WWOX: variants seen among roughly 807,000 people sequenced by gnomAD.
The protein encoded by WWOX is WW domain-containing oxidoreductase.
In WWOX, 69 loss-of-function variants were observed where a neutral mutation model predicts 46.2. The observed-to-expected ratio is 1.49, with a 90% CI of 1.23 to 1.82. The LOEUF (loss-of-function observed/expected upper bound fraction) is 1.82. Among genes scored for constraint, WWOX ranks in the 40% most tolerant of loss-of-function variants. The pLI is 0.00. For missense variants in WWOX, 919 were observed against 542.6 expected, an observed-to-expected ratio of 1.69 and a Z score of -6.89; for synonymous variants, 359 against 202.6, an observed-to-expected ratio of 1.77 and a Z score of -6.56.
At chr16:78,635,075 G>A (rs529959957) in intron 8 of WWOX, among the ~76,000 whole-genome samples, 1 of 152,212 alleles carries the variant, frequency 6.6e-6, no homozygotes, top group South Asian at 2.1e-4. Flanking sequence ...CTTACAGATA[G>A]GAAACCTTGC....
intron 5 of WWOX, among the ~76,000 whole-genome samples, chr16:78,340,025 G>T (rs1333126568): frequency 2.2e-5 from 1 of 45,534 alleles, no homozygotes; most frequent in African/African-American, 6.8e-5. Flanking sequence ...GGTGGGGGGG[G>T]GGGGGACGTT....
At chr16:78,101,206 C>T (rs929937723) in intron 1 of WWOX, among the ~76,000 whole-genome samples, 1 of 151,584 alleles carries the variant, frequency 6.6e-6, no homozygotes, top group East Asian at 1.9e-4. Context: ...CGCCACCACG[C>T]CCGGCTAAGT....
At chr16:78,440,909 C>G (rs1036534380) in intron 8 of WWOX, among the ~76,000 whole-genome samples, 1 of 152,260 alleles carries the variant, frequency 6.6e-6, no homozygotes, top group Non-Finnish European at 1.5e-5. Flanking sequence ...GCATGAGCCA[C>G]TGTGCCTGGC....
chr16:78,353,533 G>T (rs1469559430), intron 5 of WWOX, among the ~76,000 whole-genome samples: 1 of 152,202 alleles, frequency 6.6e-6, no homozygotes, highest in Non-Finnish European at 1.5e-5. Context: ...GACAGGATTA[G>T]CAAGCCAAAG....
chr16:78,988,400 T>C (rs1488074708), intron 8 of WWOX, among the ~76,000 whole-genome samples: 2 of 144,840 alleles, frequency 1.4e-5, no homozygotes, highest in Non-Finnish European at 3.1e-5. Flanking sequence ...GAGGTAGTAA[T>C]AGGGGTGGCT....
chr16:78,590,210 C>T (rs2151601208), intron 8 of WWOX, among the ~76,000 whole-genome samples: 1 of 151,780 alleles, frequency 6.6e-6, no homozygotes. Flanking sequence ...AAATTTATTT[C>T]TCGTGGTTCT....
At chr16:78,275,032 C>A (rs1047270282) in intron 5 of WWOX, among the ~76,000 whole-genome samples, 2 of 152,174 alleles carry the variant, frequency 1.3e-5, no homozygotes, top group African/African-American at 4.8e-5. Flanking sequence ...TCAGCAAGCA[C>A]TGAGCTCCCA....
At chr16:78,680,320 G>C (rs1422839843) in intron 8 of WWOX, among the ~76,000 whole-genome samples, 1 of 152,084 alleles carries the variant, frequency 6.6e-6, no homozygotes, top group Admixed American at 6.5e-5. Context: ...GAGGTGGGAG[G>C]ATTGCGTGAG....
At chr16:78,902,493 A>G (rs72804753) in intron 8 of WWOX, among the ~76,000 whole-genome samples, 39,960 of 151,982 alleles carry the variant, frequency 0.26, 6,092 homozygotes, top group Non-Finnish European at 0.35. Context: ...GCATTTCACA[A>G]TGTCAGGCAT....
intron 8 of WWOX, chr16:78,891,802 G>A (rs1437525261): frequency 6.6e-6 from 1 of 152,078 alleles, no homozygotes; most frequent in Non-Finnish European, 1.5e-5. Flanking sequence ...AAATGTCCCA[G>A]TGAGAAATTT....
Position 78,755,724 on chromosome 16 carries a change from C to A in WWOX, c.1056+322972C>A, listed in dbSNP as rs79511149. 9.1e-4 allele frequency among the ~76,000 whole-genome samples: 139 copies of A among 152,232 alleles called. 1 individual carries two copies. The East Asian group carries it at 0.011, about 12-fold the overall frequency. On this transcript the variant is annotated intron_variant, in intron 8 of 8. Coordinates refer to ENST00000566780, the MANE Select transcript of WWOX (RefSeq NM_016373.4). Reference sequence around the variant, plus strand: ...AATACCCATTTTGATAGTTCAGTACCCGCTATTAAATATGCCGAATATTAT... The same window carrying A: ...AATACCCATTTTGATAGTTCAGTACACGCTATTAAATATGCCGAATATTAT...
intron 8 of WWOX, among the ~76,000 whole-genome samples, chr16:78,887,602 C>T (rs2044495095): frequency 6.6e-6 from 1 of 151,876 alleles, no homozygotes; most frequent in East Asian, 1.9e-4. Context: ...CTGAAAATGC[C>T]AAAATCCATC....
rs57609552 is a variant in WWOX at position 78,735,426 on chromosome 16, C to CACACACACACACACACAA, written c.1056+302674_1056+302675insACACACACACACACACAA. Reference sequence around the variant, plus strand: ...ACACACACACACACACACACACACACTAATATGGTTCTGATTCTCTGGAGA... The same window carrying CACACACACACACACACAA: ...ACACACACACACACACACACACACACACACACACACACACACAATAATATGGTTCTGATTCTCTGGAGA... On this transcript the variant is annotated intron_variant, in intron 8 of 8. Transcript: ENST00000566780. Among the ~76,000 whole-genome samples, 112 of 150,294 alleles carry CACACACACACACACACAA rather than the reference C, an allele frequency of 7.5e-4. 1 individual carries two copies. The highest frequency in any genetic ancestry group is 3.4e-3 in the Middle Eastern group (1 of 294).
intron 8 of WWOX, among the ~76,000 whole-genome samples, chr16:78,976,379 C>G (rs189116798): frequency 1.4e-3 from 213 of 152,324 alleles, no homozygotes; most frequent in Non-Finnish European, 2.4e-3. Context: ...TCCCAGCACT[C>G]AGGGCTGTGT....
At chr16:78,368,391 C>T (rs928802260) in intron 5 of WWOX, among the ~76,000 whole-genome samples, 1 of 152,118 alleles carries the variant, frequency 6.6e-6, no homozygotes, top group East Asian at 1.9e-4. Flanking sequence ...GACCTGATAT[C>T]CCAGAAAGGA....
intron 8 of WWOX, among the ~76,000 whole-genome samples, chr16:79,076,619 A>T (rs1349591031): frequency 1.3e-5 from 2 of 152,088 alleles, no homozygotes; most frequent in Non-Finnish European, 2.9e-5. Context: ...CAGTGATTCT[A>T]TCTGTACCTA....
At position 78,922,463 on chromosome 16, in the gene WWOX, C is replaced by T. The variant is rs181312640; in HGVS notation, c.1057-289145C>T. On this transcript the variant is annotated intron_variant, in intron 8 of 8. Coordinates refer to ENST00000566780, the MANE Select transcript of WWOX (RefSeq NM_016373.4). ...GCGTGACCTTGGCTCACTGCAATTT[C>T]TACCTCCCGGGTTCAAGCGATTCTC... Among the ~76,000 whole-genome samples the T allele has an allele frequency of 7.4e-3, 1,109 of 150,472 alleles. 4 individuals are homozygous for T. The highest frequency in any genetic ancestry group is 0.011 in the Admixed American group (167 of 15,078).
chr16:79,014,034 T>C (rs1009435274), intron 8 of WWOX, among the ~76,000 whole-genome samples: 1 of 152,216 alleles, frequency 6.6e-6, no homozygotes, highest in Admixed American at 6.5e-5. Context: ...GGCAGTAATT[T>C]AGAGACTGTC....
chr16:78,460,471 C>A (rs2083923626), intron 8 of WWOX, among the ~76,000 whole-genome samples: 1 of 152,328 alleles, frequency 6.6e-6, no homozygotes, highest in African/African-American at 2.4e-5. Flanking sequence ...GTCCTTTTCT[C>A]TCCTTTCCTC....
Sources: allele counts gnomAD v4.1 joint callset (sites outside exome capture counted in the v4.1 genomes callset), GRCh38; gene constraint gnomAD v4.1.1; transcripts MANE v1.5; gene names NCBI Gene and HGNC (gene_info 2026-07-23, HGNC 2026-07-21).